The following ZFHX4 variants were observed in gnomAD, a reference collection of about 807,000 sequenced individuals.
ZFHX4 encodes zinc finger homeobox 4.
In ZFHX4, 56 loss-of-function variants were observed where a neutral mutation model predicts 267.6. The ratio of observed to expected loss-of-function variants is 0.21; its 90% CI spans 0.17 to 0.26. The LOEUF is 0.26. Among genes scored for constraint, ZFHX4 ranks in the 10% least tolerant of loss-of-function variants. ZFHX4 has a pLI of 1.00. For missense variants in ZFHX4, 4,332 were observed against 4,420.0 expected, an observed-to-expected ratio of 0.98 and a Z score of 0.56; for synonymous variants, 1,778 against 1,665.6, an observed-to-expected ratio of 1.07 and a Z score of -1.64.
intron 4 of ZFHX4, among the ~76,000 whole-genome samples, chr8:76,815,703 A>G (rs10104701): frequency 0.041 from 6,232 of 151,902 alleles, 205 homozygotes; most frequent in African/African-American, 0.091. Flanking sequence ...GTCTTACTAT[A>G]TTGCCTAGGC....
intron 6 of ZFHX4, among the ~76,000 whole-genome samples, chr8:76,843,622 ACCT>A (rs1368946042): frequency 1.3e-5 from 2 of 152,114 alleles, no homozygotes; most frequent in Non-Finnish European, 2.9e-5. Context: ...TGCACGCTAT[ACCT>A]CGTTTTATTA....
chr8:76,801,500 A>C (rs1236280990), intron 4 of ZFHX4, among the ~76,000 whole-genome samples: 1 of 152,170 alleles, frequency 6.6e-6, no homozygotes, highest in African/African-American at 2.4e-5. Flanking sequence ...TATGACATCT[A>C]ATAAAGGCCT....
At chr8:76,834,179 T>C (rs1563548317) in intron 5 of ZFHX4, 1 of 443,882 alleles carries the variant, frequency 2.3e-6, no homozygotes, top group South Asian at 1.6e-5. Flanking sequence ...CAATTACGAA[T>C]AAAACTACTA....
At chr8:76,824,875 GA>G (rs1391984469) in intron 4 of ZFHX4, among the ~76,000 whole-genome samples, 3 of 152,100 alleles carry the variant, frequency 2.0e-5, no homozygotes, top group African/African-American at 7.2e-5. Flanking sequence ...GCCTCACTAT[GA>G]TTTTTGTAAA....
intron 1 of ZFHX4, among the ~76,000 whole-genome samples, chr8:76,702,922 G>A (rs1808140835): frequency 6.6e-6 from 1 of 151,818 alleles, no homozygotes; most frequent in Admixed American, 6.6e-5. Context: ...AGCTTAAGCT[G>A]TAATCAAACT....
chr8:76,722,723 G>A (rs968343918), intron 3 of ZFHX4, among the ~76,000 whole-genome samples: 2 of 151,724 alleles, frequency 1.3e-5, no homozygotes, highest in Non-Finnish European at 2.9e-5. Flanking sequence ...TGAAAAAAAA[G>A]GGATTCTGAG....
chr8:76,724,749 A>G (rs142550037), intron 3 of ZFHX4, among the ~76,000 whole-genome samples: 1 of 152,100 alleles, frequency 6.6e-6, no homozygotes, highest in Admixed American at 6.6e-5. Context: ...TCCTTTGTAC[A>G]TGAAGATATC....
At chr8:76,856,324 G>A in intron 10 of ZFHX4, 24 bp downstream of exon 10, 3 of 1,611,720 alleles carry the variant, frequency 1.9e-6, no homozygotes, top group Non-Finnish European at 2.5e-6. Flanking sequence ...AGGAGACTCA[G>A]TCTAGTTAAT....
intron 3 of ZFHX4, among the ~76,000 whole-genome samples, chr8:76,759,104 G>A (rs1809842129): frequency 6.6e-6 from 1 of 152,110 alleles, no homozygotes; most frequent in Non-Finnish European, 1.5e-5. Flanking sequence ...CAATTTTGGT[G>A]AAAAATGTAA....
At chr8:76,857,733 A>G (rs1377373681) in intron 10 of ZFHX4, among the ~76,000 whole-genome samples, 2 of 152,022 alleles carry the variant, frequency 1.3e-5, no homozygotes, top group Non-Finnish European at 2.9e-5. Flanking sequence ...GGGCTTCATT[A>G]TCTAGACAAT....
chr8:76,813,621 C>G (rs1811431911), intron 4 of ZFHX4, among the ~76,000 whole-genome samples: 1 of 152,026 alleles, frequency 6.6e-6, no homozygotes, highest in South Asian at 2.1e-4. Flanking sequence ...ACTTTTATGC[C>G]TTTTTGAAAG....
intron 3 of ZFHX4, among the ~76,000 whole-genome samples, chr8:76,772,461 GAAGACTGAGT>G (rs1810288285): frequency 6.6e-6 from 1 of 152,080 alleles, no homozygotes; most frequent in Non-Finnish European, 1.5e-5. Flanking sequence ...AGTGGGTAAG[GAAGACTGAGT>G]AAGAGGGTTA....
chr8:76,856,488 C>A, intron 10 of ZFHX4, 188 bp downstream of exon 10: 2 of 676,552 alleles, frequency 3.0e-6, no homozygotes, highest in Admixed American at 2.4e-5. Context: ...GAAACACACA[C>A]AGAAAAATAA....
intron 4 of ZFHX4, among the ~76,000 whole-genome samples, chr8:76,819,879 G>A (rs1486267273): frequency 6.6e-6 from 1 of 152,182 alleles, no homozygotes; most frequent in Non-Finnish European, 1.5e-5. Flanking sequence ...GGGCAAATTA[G>A]AGGGTGGTTT....
At chr8:76,850,538 G>T (rs113071017) in intron 9 of ZFHX4, among the ~76,000 whole-genome samples, 176 bp downstream of exon 9, 2,818 of 152,284 alleles carry the variant, frequency 0.019, 73 homozygotes, top group African/African-American at 0.059. Context: ...ATCTGTAAGT[G>T]ACCTCAGGGG....
chr8:76,852,824 T>A lies in ZFHX4; in HGVS notation c.5903T>A (p.Val1968Glu), dbSNP rs748442464. 6.2e-7 allele frequency: 1 copy of A among 1,613,916 alleles called. No homozygotes were observed. The highest frequency in any genetic ancestry group is 1.7e-5 in the Admixed American group (1 of 60,014). ...VLILKSHQEH[V>E]HGQFFPYAAL... ...ATTTTAAAGAGTCACCAAGAACATG[T>A]ACATGGGCAATTTTTTCCATATGCA... The change falls in exon 10 of 11, where the codon GTA becomes GAA. Residue 1968 changes from valine (V) to glutamate (E), a missense_variant. By Grantham distance (121) the Val-to-Glu change is moderately radical. Coordinates refer to ENST00000651372, the MANE Select transcript of ZFHX4 (RefSeq NM_024721.5).
chr8:76,731,844 G>A (rs1809020121), intron 3 of ZFHX4, among the ~76,000 whole-genome samples: 1 of 142,980 alleles, frequency 7.0e-6, no homozygotes, highest in Non-Finnish European at 1.5e-5. Flanking sequence ...TGTGACAGTT[G>A]TTGGTGCCAC....
chr8:76,854,071 G>C lies in ZFHX4; in HGVS notation c.7150G>C (p.Gly2384Arg), dbSNP rs940140160. ...CGCTGCTGCCCCTGCAGCAAGTTCT[G>C]GCTCTGGGACCAGCACCCCCCTGAT... Reference protein sequence around the residue: ...KNAAAPAASSGSGTSTPLIPS... With the variant: ...KNAAAPAASSRSGTSTPLIPS... Residue 2384 changes from glycine to arginine, a missense_variant, in exon 10 of 11, where the codon GGC becomes CGC. Physicochemically the swap from Gly to Arg is moderately radical, Grantham distance 125. Around this residue, in one of 7 missense-constraint regions of ZFHX4, gnomAD observed 1,648 missense variants for 1,625.0 expected, o/e 1.01. Coordinates refer to ENST00000651372, the MANE Select transcript of ZFHX4 (RefSeq NM_024721.5). 6.2e-7 allele frequency: 1 copy of C among 1,613,918 alleles called. No individual in the cohort carries two copies.
intron 4 of ZFHX4, among the ~76,000 whole-genome samples, chr8:76,831,660 C>T (rs907915280): frequency 3.9e-5 from 6 of 152,118 alleles, no homozygotes; most frequent in African/African-American, 1.4e-4. Context: ...GGAAACATTA[C>T]TTGGACCATG....
Sources: gnomAD v4.1 joint callset for allele counts (sites outside exome capture counted in the v4.1 genomes callset) on GRCh38, gnomAD v4.1.1 for gene constraint, gnomAD v4.1.1 regional missense constraint, MANE v1.5 for transcripts, NCBI Gene and HGNC (gene_info 2026-07-23, HGNC 2026-07-21) for gene names.